Variants in HDAC5 observed in about 807,000 individuals in gnomAD.
HDAC5 encodes antigen NY-CO-9.
A neutral mutation model predicts 133.3 loss-of-function variants in HDAC5; 25 were observed. That is an observed-to-expected ratio of 0.19 (90% CI 0.14 to 0.26). HDAC5 has a LOEUF of 0.26. HDAC5 is among the 10% of genes least tolerant of loss of function. HDAC5 has a pLI of 1.00. For missense variants in HDAC5, 1,041 were observed against 1,460.5 expected (o/e 0.71, Z 4.68); for synonymous variants, 589 against 610.8 (o/e 0.96, Z 0.53).
At chr17:44,107,112 T>A (rs2052002950) in intron 3 of HDAC5, among the ~76,000 whole-genome samples, 1 of 148,242 alleles carries the variant, frequency 6.7e-6, no homozygotes, top group African/African-American at 2.5e-5. Flanking sequence ...GCCTGATTAA[T>A]TTTTTTTTTT....
At position 44,080,091 on chromosome 17, in the gene HDAC5, C is replaced by T. The variant is rs201410824; in HGVS notation, c.2944+16G>A. On this transcript the variant is annotated intron_variant, in intron 23 of 26. Coordinates refer to ENST00000682912, the MANE Select transcript of HDAC5 (RefSeq NM_005474.5). ...TCACTGTTTCACTTCCTCCCTCAATCCCCCAGCAGGCTTACATCTGGCGGT... is the reference window on the plus strand; with the variant it reads ...TCACTGTTTCACTTCCTCCCTCAATTCCCCAGCAGGCTTACATCTGGCGGT... The T allele has an allele frequency of 3.3e-5, 52 of 1,556,058 alleles. No individual in the cohort carries two copies. In the African/African-American group the frequency reaches 5.4e-4, roughly 16 times the overall value.
In HDAC5 at chr17:44,091,794, G is replaced by T; in HGVS notation, c.1070C>A (p.Ser357Tyr). 6.3e-7 allele frequency: 1 copy of T among 1,598,522 alleles called. No homozygotes were observed. The highest frequency in any genetic ancestry group is 8.5e-7 in the Non-Finnish European group (1 of 1,172,484). ...CGTGTAGAGGCTGAACTGGTTGGGGGAGCTGTCCAGAGGGAGGGCTCGGTG... is the reference window on the plus strand; with the variant it reads ...CGTGTAGAGGCTGAACTGGTTGGGGTAGCTGTCCAGAGGGAGGGCTCGGTG... ...PQHRALPLDS[S>Y]PNQFSLYTSP... Residue 357 changes from serine to tyrosine, a missense_variant, in exon 10 of 27, where the codon TCC becomes TAC. By Grantham distance (144) the Ser-to-Tyr change is moderately radical. This residue lies in a region of HDAC5 where 433 missense variants were observed against 531.6 expected (regional missense o/e 0.81). Coordinates refer to ENST00000682912, the MANE Select transcript of HDAC5 (RefSeq NM_005474.5).
intron 1 of HDAC5, among the ~76,000 whole-genome samples, chr17:44,119,159 G>A (rs767710545): frequency 5.9e-5 from 9 of 152,248 alleles, no homozygotes; most frequent in African/African-American, 2.2e-4. Context: ...AGGCTGCGCA[G>A]GCAGGGCTGA....
Position 44,080,037 on chromosome 17 carries a change from T to C in HDAC5, c.2944+70A>G, listed in dbSNP as rs960379585. The C allele has an allele frequency of 2.7e-6, 3 of 1,093,870 alleles. No homozygotes were observed. In the African/African-American group the frequency reaches 4.6e-5, roughly 17 times the overall value. The allele number at this position is 1,093,870 out of a possible 1,614,324, so 67.8% of individuals were successfully genotyped here. A position where few individuals can be genotyped will look rare whatever the true frequency, so the allele number is the denominator to read the frequency against. On this transcript the variant is annotated intron_variant, in intron 23 of 26. Coordinates refer to ENST00000682912, the MANE Select transcript of HDAC5 (RefSeq NM_005474.5). ...TCTGCTGCAATATCAGTCTGTTCCC[T>C]GCCCCATGCCTCACTGGACTCGATA...
At position 44,117,608 on chromosome 17, in the gene HDAC5, C is replaced by CA. The variant is rs932307441; in HGVS notation, c.-94dup. The stretch of plus-strand genomic sequence containing the variant: ...GTCAAGAGAGACAGACGATAACAGA[C>CA]AGACGGACGGGACGGGAGCCCGGGG... On this transcript the variant is annotated 5_prime_UTR_variant, in exon 2 of 27. The change abolishes the stop of an existing upstream ORF in the 5' untranslated region. Coordinates refer to ENST00000682912, the MANE Select transcript of HDAC5 (RefSeq NM_005474.5). The surrounding 1 kb of genome is among the most constrained non-coding windows in gnomAD (Gnocchi z 4.2). 26 of 1,475,528 alleles carry CA rather than the reference C, an allele frequency of 1.8e-5. No individual in the cohort carries two copies. Among genetic ancestry groups the CA allele is most frequent in the Non-Finnish European group, 2.4e-5 (26 of 1,064,490 alleles). 91.4% of individuals were successfully genotyped at this position (1,475,528 alleles called of 1,614,324 possible).
At chr17:44,110,653 G>T in intron 3 of HDAC5, 76 bp downstream of exon 3, 2 of 1,185,444 alleles carry the variant, frequency 1.7e-6, no homozygotes, top group Non-Finnish European at 2.5e-6. Context: ...TCTGTGCAAG[G>T]CTCAGGGCCA....
At position 44,078,347 on chromosome 17, in the gene HDAC5, T is replaced by C. The variant is rs1473338619; in HGVS notation, c.*29A>G. ...GAAAAAATAAACAAAATCACAATGGTGAAGCCCAGAGGGATGGGGGCCGGG... is the reference window on the plus strand; with the variant it reads ...GAAAAAATAAACAAAATCACAATGGCGAAGCCCAGAGGGATGGGGGCCGGG... On this transcript the variant is annotated 3_prime_UTR_variant, in exon 27 of 27. Coordinates refer to ENST00000682912, the MANE Select transcript of HDAC5 (RefSeq NM_005474.5). 6.6e-7 allele frequency: 1 copy of C among 1,520,538 alleles called. No homozygotes were observed. The highest frequency in any genetic ancestry group is 8.8e-7 in the Non-Finnish European group (1 of 1,137,926). 94.2% of individuals were successfully genotyped at this position (1,520,538 alleles called of 1,614,324 possible).
chr17:44,095,931 C>T (rs528548313), intron 3 of HDAC5, among the ~76,000 whole-genome samples: 12 of 152,214 alleles, frequency 7.9e-5, no homozygotes, highest in African/African-American at 2.6e-4. Flanking sequence ...GACCTTGGGT[C>T]CAGTCCCCAC....
rs2051820681 is a variant in HDAC5, at chr17:44,104,614, C to G, written c.94+6115G>C. Among the ~76,000 whole-genome samples, 3 of 152,332 alleles carry G rather than the reference C, an allele frequency of 2.0e-5. No individual in the cohort carries two copies. In the South Asian group the frequency reaches 6.2e-4, roughly 32 times the overall value. On this transcript the variant is annotated intron_variant, in intron 3 of 26. Transcript: ENST00000682912. The stretch of plus-strand genomic sequence containing the variant: ...CCTTCCCACTCCCGCACTTCCAGGC[C>G]ATCTCACCTGCCTCGCTACCTCCAG...
rs764563550 is a variant in HDAC5, at chr17:44,082,637, G to A, written c.2555C>T (p.Ala852Val). 6.2e-7 allele frequency: 1 copy of A among 1,614,162 alleles called. No individual in the cohort carries two copies. Among genetic ancestry groups the A allele is most frequent in the Non-Finnish European group, 8.5e-7 (1 of 1,180,018 alleles). The change falls in exon 20 of 27, where the codon GCA becomes GTA. Residue 852 changes from alanine (A) to valine (V), a missense_variant. This residue lies in a region of HDAC5 where 174 missense variants were observed against 352.7 expected (regional missense o/e 0.49). Coordinates refer to ENST00000682912, the MANE Select transcript of HDAC5 (RefSeq NM_005474.5). ...GTTCAACTTCTGCTGTAGGAGTTTT[G>A]CGGTGATGGCTACAGAGTTGAAGAA... ...FCFFNSVAITAKLLQQKLNVG... is the reference protein window; with the variant it reads ...FCFFNSVAITVKLLQQKLNVG...
Position 44,093,755 on chromosome 17 carries a change from C to T in HDAC5, c.174G>A (p.Glu58=), listed in dbSNP as rs1437107317. The change falls in exon 4 of 27, where the codon GAG becomes GAA. Residue 58 remains glutamate, a synonymous_variant. Coordinates refer to ENST00000682912, the MANE Select transcript of HDAC5 (RefSeq NM_005474.5). ...CAGAGCCCACCAGAGCCCCCCGTAG[C>T]TCCACAGGGCTGGGGCTGCCTCCAC... ...GGGGGSPSPV[E]LRGALVGSVD... is the part of the protein sequence containing the mutation. 3 of 1,599,232 alleles carry T rather than the reference C, an allele frequency of 1.9e-6. No individual in the cohort carries two copies. Among genetic ancestry groups the T allele is most frequent in the African/African-American group, 2.7e-5 (2 of 74,642 alleles).
intron 16 of HDAC5, among the ~76,000 whole-genome samples, chr17:44,084,328 T>A (rs535214168): frequency 2.1e-4 from 32 of 151,588 alleles, no homozygotes; most frequent in Non-Finnish European, 4.4e-4. Context: ...AACAAAGCAG[T>A]CCCCCCAACC....
chr17:44,087,571 GCCCTCCCGGGGCATGGTCAGGGCT>G lies in HDAC5; in HGVS notation c.1701_1724del (p.Ala568_Gly575del). 1 of 1,614,108 alleles carries G rather than the reference GCCCTCCCGGGGCATGGTCAGGGCT, an allele frequency of 6.2e-7. No individual in the cohort carries two copies. Among genetic ancestry groups the G allele is most frequent in the Non-Finnish European group, 8.5e-7 (1 of 1,180,014 alleles). ...CCTGTGTGCTCTCACTCTCTGTGGA[GCCCTCCCGGGGCATGGTCAGGGCT>G]CCCTCCCCCAGCAAGACCTCCTGCT... On this transcript the variant is annotated inframe_deletion, in exon 13 of 27. Transcript: ENST00000682912.
At chr17:44,079,838 A>G (rs1029365755) in intron 23 of HDAC5, among the ~76,000 whole-genome samples, 1 of 152,104 alleles carries the variant, frequency 6.6e-6, no homozygotes, top group Admixed American at 6.6e-5. Flanking sequence ...AAGGAGCATC[A>G]CTGAAACACC....
At chr17:44,088,200 C>CG (rs1430979847) in intron 12 of HDAC5, among the ~76,000 whole-genome samples, 187 bp downstream of exon 12, 2 of 152,044 alleles carry the variant, frequency 1.3e-5, no homozygotes, top group Non-Finnish European at 2.9e-5. Context: ...TTAGTAGAGA[C>CG]GGGGGTTTCA....
At chr17:44,078,738 T>C in intron 25 of HDAC5, 57 bp downstream of exon 25, 3 of 1,610,496 alleles carry the variant, frequency 1.9e-6, no homozygotes, top group Non-Finnish European at 2.5e-6. Context: ...GTCCTGGTGC[T>C]CCCACAAGCT....
intron 1 of HDAC5, among the ~76,000 whole-genome samples, chr17:44,122,597 A>G (rs1487663799): frequency 6.6e-6 from 1 of 152,142 alleles, no homozygotes; most frequent in African/African-American, 2.4e-5. Flanking sequence ...AGGGGTATCA[A>G]GTGGTCATCT....
rs1417845099 is a variant in HDAC5 at position 44,087,597 on chromosome 17, C to T, written c.1699G>A (p.Gly567Arg). 1 of 1,613,962 alleles carries T rather than the reference C, an allele frequency of 6.2e-7. No homozygotes were observed. Among genetic ancestry groups the T allele is most frequent in the African/African-American group, 1.3e-5 (1 of 74,918 alleles). Residue 567 changes from glycine to arginine, a missense_variant, in exon 13 of 27, where the codon GGA (glycine) becomes AGA (arginine). Gly to Arg is a moderately radical substitution (Grantham distance 125). Around this residue, in one of 9 missense-constraint regions of HDAC5, gnomAD observed 433 missense variants for 531.6 expected, o/e 0.81. Coordinates refer to ENST00000682912, the MANE Select transcript of HDAC5 (RefSeq NM_005474.5). Reference sequence around the variant, plus strand: ...CCCTCCCGGGGCATGGTCAGGGCTCCCTCCCCCAGCAAGACCTCCTGCTGC... The same window carrying T: ...CCCTCCCGGGGCATGGTCAGGGCTCTCTCCCCCAGCAAGACCTCCTGCTGC... ...TEQQEVLLGE[G>R]ALTMPREGST...
chr17:44,120,367 C>G (rs1198769625), intron 1 of HDAC5: 1 of 152,218 alleles, frequency 6.6e-6, no homozygotes, highest in South Asian at 2.1e-4. Context: ...CCCCCTAGGT[C>G]ATAGGTGACA....
Sources: allele counts gnomAD v4.1 joint callset (sites outside exome capture counted in the v4.1 genomes callset), GRCh38; gene constraint gnomAD v4.1.1; regional missense constraint gnomAD v4.1.1; non-coding constraint Gnocchi (gnomAD v3.1); transcripts MANE v1.5; gene names NCBI Gene and HGNC (gene_info 2026-07-23, HGNC 2026-07-21).